Variants in RCAN3 observed in about 807,000 individuals in gnomAD.
The protein encoded by RCAN3 is calcipressin-3.
Under a neutral mutation model 21.9 loss-of-function variants are expected in RCAN3, and 19 were observed. The observed-to-expected ratio is 0.87, with a 90% confidence interval of 0.61 to 1.27. The LOEUF (loss-of-function observed/expected upper bound fraction) is 1.27, where lower values mean the gene tolerates loss of function less well. Ranked by LOEUF, RCAN3 falls within the 50% of genes most tolerant of loss-of-function variation. The probability of loss-of-function intolerance (pLI) is 0.00; values close to 1 mark genes in which losing one functional copy is unlikely to be tolerated. For missense variants in RCAN3, 240 were observed against 300.1 expected (o/e 0.80, Z 1.48); for synonymous variants, 114 against 112.3 (o/e 1.01, Z -0.09).
Position 24,510,134 on chromosome 1 carries a change from G to A in RCAN3, c.-59-4180G>A, listed in dbSNP as rs150804489. 6.0e-3 allele frequency among the ~76,000 whole-genome samples: 911 copies of A among 152,286 alleles called. 2 individuals are homozygous for A. Among genetic ancestry groups the A allele is most frequent in the Non-Finnish European group, 9.3e-3 (636 of 68,030 alleles). On this transcript the variant is annotated intron_variant, in intron 1 of 4. Coordinates refer to ENST00000374395, the MANE Select transcript of RCAN3 (RefSeq NM_013441.4). ...GCGGTCATCCAGGCTGAATTGTTCC[G>A]TTCATAGAGCACAGGCAGAGTAGAT... is the stretch of plus-strand genomic sequence containing the variant.
In RCAN3 at chr1:24,514,297, T is replaced by A; in HGVS notation, c.-59-17T>A. 1 of 1,331,994 alleles carries A rather than the reference T, an allele frequency of 7.5e-7. No individual in the cohort carries two copies. Among genetic ancestry groups the A allele is most frequent in the East Asian group, 2.5e-5 (1 of 40,206 alleles). The allele number at this position is 1,331,994 out of a possible 1,614,324, so 82.5% of individuals were successfully genotyped here. On this transcript the variant is annotated splice_polypyrimidine_tract_variant and intron_variant, in intron 1 of 4. Coordinates refer to ENST00000374395, the MANE Select transcript of RCAN3 (RefSeq NM_013441.4). Reference sequence around the variant, plus strand: ...GTCTTCGGAGTTTTACCTCTGCATTTTCTTTTTTTTTAACAGTGGGTGCCT... The same window carrying A: ...GTCTTCGGAGTTTTACCTCTGCATTATCTTTTTTTTTAACAGTGGGTGCCT...
chr1:24,506,144 T>C (rs1647429677), intron 1 of RCAN3, among the ~76,000 whole-genome samples: 1 of 152,174 alleles, frequency 6.6e-6, no homozygotes, highest in African/African-American at 2.4e-5. Flanking sequence ...CCCTTTCTGC[T>C]GGGCCAGTCA....
intron 2 of RCAN3, among the ~76,000 whole-genome samples, chr1:24,520,219 GTGTT>G (rs1383041820): frequency 2.0e-5 from 3 of 152,176 alleles, no homozygotes; most frequent in South Asian, 2.1e-4. Flanking sequence ...GTTTCACTAA[GTGTT>G]TGTTTAATTG....
At position 24,525,313 on chromosome 1, in the gene RCAN3, T is replaced by C. The variant is rs1352960537; in HGVS notation, c.196-5905T>C. Among the ~76,000 whole-genome samples the C allele has an allele frequency of 6.6e-6, 1 of 152,230 alleles. No individual in the cohort carries two copies. The highest frequency in any genetic ancestry group is 2.4e-5 in the African/African-American group (1 of 41,468). ...GTTCTTAGCTATTTTAGGTACAAGG[T>C]ATGTACTGTCATTTTGATGACTGAC... On this transcript the variant is annotated intron_variant, in intron 2 of 4. Coordinates refer to ENST00000374395, the MANE Select transcript of RCAN3 (RefSeq NM_013441.4). This position sits in a 1 kb window ranked among gnomAD's most constrained non-coding sequence, Gnocchi z 4.1.
chr1:24,518,013 TA>T (rs1648479119), intron 2 of RCAN3, among the ~76,000 whole-genome samples: 1 of 152,036 alleles, frequency 6.6e-6, no homozygotes, highest in African/African-American at 2.4e-5. Flanking sequence ...CGATTGCAAT[TA>T]AACACTTTAA....
At chr1:24,504,646 A>G (rs923798802) in intron 1 of RCAN3, among the ~76,000 whole-genome samples, 12 of 152,216 alleles carry the variant, frequency 7.9e-5, no homozygotes, top group African/African-American at 2.9e-4. Flanking sequence ...AGCATGAAAA[A>G]TAGTGTGACG....
At chr1:24,530,765 C>G (rs375231075) in intron 2 of RCAN3, among the ~76,000 whole-genome samples, 2 of 152,204 alleles carry the variant, frequency 1.3e-5, no homozygotes, top group Admixed American at 6.5e-5. Flanking sequence ...AATCCCAGCA[C>G]TTTGGGAGGC....
chr1:24,503,119 T>G lies in RCAN3; in HGVS notation c.-91T>G, dbSNP rs1403604940. 7.9e-6 allele frequency: 1 copy of G among 127,084 alleles called. No homozygotes were observed. The highest frequency in any genetic ancestry group is 1.6e-5 in the Non-Finnish European group (1 of 61,056). The allele number at this position is 127,084 out of a possible 1,614,324, so 7.9% of individuals were successfully genotyped here. ...GTCCTGCGGCGGCGGGGCGTGCAGG[T>G]GAGGCCCCACGGCGCCCGGCCTCTC... On this transcript the variant is annotated 5_prime_UTR_variant, in exon 1 of 5. Transcript: ENST00000374395.
rs11433134 is a variant in RCAN3 at position 24,512,348 on chromosome 1, C to CAA, written c.-59-1953_-59-1952dup. Among the ~76,000 whole-genome samples the CAA allele has an allele frequency of 5.7e-4, 80 of 141,520 alleles. 1 individual carries two copies. Among genetic ancestry groups the CAA allele is most frequent in the South Asian group, 1.6e-3 (7 of 4,486 alleles). 92.8% of individuals were successfully genotyped at this position (141,520 alleles called of 152,430 possible). On this transcript the variant is annotated intron_variant, in intron 1 of 4. Transcript: ENST00000374395. ...TGGGCAACAGGATAAAATTCTGTCTCAAAAAAAAAAAAAATTAAGTACAGC... is the reference window on the plus strand; with the variant it reads ...TGGGCAACAGGATAAAATTCTGTCTCAAAAAAAAAAAAAAAATTAAGTACAGC...
intron 3 of RCAN3, 130 bp from the exon 4 acceptor site, chr1:24,532,948 CAAAAA>C (rs756973308): frequency 3.1e-3 from 292 of 92,988 alleles, no homozygotes; most frequent in Middle Eastern, 7.1e-3. Context: ...GACTCCGTCT[CAAAAA>C]AAAAAAAAAA....
intron 2 of RCAN3, among the ~76,000 whole-genome samples, chr1:24,516,470 C>T (rs1648328489): frequency 6.6e-6 from 1 of 151,904 alleles, no homozygotes; most frequent in Non-Finnish European, 1.5e-5. Flanking sequence ...CCACGGGGAA[C>T]AGAATGAGAA....
rs895303451 is a variant in RCAN3 at position 24,540,014 on chromosome 1, C to T, written c.*4737C>T. 2.6e-5 allele frequency: 4 copies of T among 152,204 alleles called. No homozygotes were observed. The highest frequency in any genetic ancestry group is 2.6e-4 in the Admixed American group (4 of 15,282). The allele number at this position is 152,204 out of a possible 1,614,324, so 9.4% of individuals were successfully genotyped here. A position where few individuals can be genotyped will look rare whatever the true frequency, so the allele number is the denominator to read the frequency against. On this transcript the variant is annotated 3_prime_UTR_variant, in exon 5 of 5. Transcript: ENST00000374395. ...TAAAAAGTTTTAAAAGATTTATGAACCTTGTCCTACAATTCGCTGAATACT... is the reference window on the plus strand; with the variant it reads ...TAAAAAGTTTTAAAAGATTTATGAATCTTGTCCTACAATTCGCTGAATACT...
chr1:24,513,030 GA>G, intron 1 of RCAN3, among the ~76,000 whole-genome samples: 1 of 152,136 alleles, frequency 6.6e-6, no homozygotes, highest in Admixed American at 6.5e-5. Flanking sequence ...CAGGTCAGGA[GA>G]TCGAGACCAT....
At chr1:24,512,599 T>C (rs1045496197) in intron 1 of RCAN3, among the ~76,000 whole-genome samples, 1 of 152,194 alleles carries the variant, frequency 6.6e-6, no homozygotes, top group Non-Finnish European at 1.5e-5. Context: ...ACCTCACTAT[T>C]TTTATTCCAT....
chr1:24,503,591 C>G (rs1298823884), intron 1 of RCAN3, among the ~76,000 whole-genome samples: 1 of 152,194 alleles, frequency 6.6e-6, no homozygotes, highest in African/African-American at 2.4e-5. Flanking sequence ...TTAGTGACTC[C>G]CTAACTTCTT....
chr1:24,529,896 G>A (rs1412056554), intron 2 of RCAN3, among the ~76,000 whole-genome samples: 3 of 151,240 alleles, frequency 2.0e-5, no homozygotes, highest in African/African-American at 7.3e-5. Flanking sequence ...AACTGTTCAG[G>A]TGCTGGGTGT....
chr1:24,514,574 A>G lies in RCAN3; in HGVS notation c.195+7A>G. The stretch of plus-strand genomic sequence containing the variant: ...TGAGGCACGAGAGCAGAAGGTAGGC[A>G]TCTATCCTCCCTTTCCCTACATTTG... On this transcript the variant is annotated splice_region_variant and intron_variant, in intron 2 of 4. Coordinates refer to ENST00000374395, the MANE Select transcript of RCAN3 (RefSeq NM_013441.4). 1 of 1,611,606 alleles carries G rather than the reference A, an allele frequency of 6.2e-7. No individual in the cohort carries two copies. Among genetic ancestry groups the G allele is most frequent in the Non-Finnish European group, 8.5e-7 (1 of 1,178,460 alleles).
At chr1:24,504,954 A>G (rs965481629) in intron 1 of RCAN3, among the ~76,000 whole-genome samples, 2 of 152,212 alleles carry the variant, frequency 1.3e-5, no homozygotes, top group Non-Finnish European at 2.9e-5. Flanking sequence ...GTGGAGTGGA[A>G]CTTCAATTAT....
At chr1:24,524,916 G>A (rs1032803328) in intron 2 of RCAN3, among the ~76,000 whole-genome samples, 2 of 141,338 alleles carry the variant, frequency 1.4e-5, no homozygotes, top group Admixed American at 1.5e-4. Flanking sequence ...TGCAACCTCC[G>A]CCTCCCAGGT....
Sources: gnomAD v4.1 joint callset for allele counts (sites outside exome capture counted in the v4.1 genomes callset) on GRCh38, gnomAD v4.1.1 for gene constraint, Gnocchi (gnomAD v3.1) non-coding constraint, MANE v1.5 for transcripts, NCBI Gene and HGNC (gene_info 2026-07-23, HGNC 2026-07-21) for gene names.